ABHD12: variants seen among roughly 807,000 people sequenced by gnomAD.
ABHD12 encodes lysophosphatidylserine lipase ABHD12.
A neutral mutation model predicts 58.3 loss-of-function variants in ABHD12; 43 were observed. That is an observed-to-expected ratio of 0.74 (90% CI 0.58 to 0.95). The LOEUF (loss-of-function observed/expected upper bound fraction) is 0.95, where lower values mean the gene tolerates loss of function less well. Among genes scored for constraint, ABHD12 ranks in the 40% least tolerant of loss-of-function variants. The probability of loss-of-function intolerance (pLI) is 0.00; values close to 1 mark genes in which losing one functional copy is unlikely to be tolerated. For missense variants in ABHD12, 539 were observed against 537.2 expected (o/e 1.00, Z -0.03); for synonymous variants, 219 against 211.2 (o/e 1.04, Z -0.32).
chr20:25,355,157 G>C (rs1032129239), intron 1 of ABHD12, among the ~76,000 whole-genome samples: 1 of 152,064 alleles, frequency 6.6e-6, no homozygotes, highest in African/African-American at 2.4e-5. Context: ...GGATTCACTG[G>C]TGCCACATCA....
intron 1 of ABHD12, among the ~76,000 whole-genome samples, chr20:25,380,771 C>T (rs2090012975): frequency 6.6e-6 from 1 of 152,170 alleles, no homozygotes; most frequent in Non-Finnish European, 1.5e-5. Context: ...GAGTCTGCTG[C>T]AAGGGTCTAG....
chr20:25,356,822 C>G (rs1229351040), intron 1 of ABHD12, among the ~76,000 whole-genome samples: 1 of 152,148 alleles, frequency 6.6e-6, no homozygotes, highest in Non-Finnish European at 1.5e-5. Context: ...AGGCAGGCAT[C>G]TCGAATGAGG....
chr20:25,324,911 G>A (rs2089146804), intron 2 of ABHD12, among the ~76,000 whole-genome samples: 1 of 152,150 alleles, frequency 6.6e-6, no homozygotes, highest in Non-Finnish European at 1.5e-5. Context: ...CTCCAGCTGA[G>A]CCAGGCTGCA....
Position 25,317,076 on chromosome 20 carries a change from C to A in ABHD12, c.545G>T (p.Gly182Val). 6.2e-7 allele frequency: 1 copy of A among 1,611,962 alleles called. No homozygotes were observed. Among genetic ancestry groups the A allele is most frequent in the Non-Finnish European group, 8.5e-7 (1 of 1,178,866 alleles). The change falls in exon 5 of 13, where the codon GGA becomes GTA. Residue 182 changes from glycine (G) to valine (V), a missense_variant and splice_region_variant. Gly to Val is a moderately radical substitution (Grantham distance 109). Transcript: ENST00000339157. Reference protein sequence around the residue: ...LYLHGNAGTRGGDHRVELYKV... With the variant: ...LYLHGNAGTRVGDHRVELYKV... ...GTAAAGCTCCACGCGGTGGTCGCCT[C>A]CTCTGGAGAAGAAAACAGGACATGG...
Position 25,303,437 on chromosome 20 carries a change from G to A in ABHD12, c.1029+113C>T, listed in dbSNP as rs565470532. On this transcript the variant is annotated intron_variant, in intron 11 of 12. Transcript: ENST00000339157. The stretch of plus-strand genomic sequence containing the variant: ...GCCTGACGTGGCTGGTGCGCAGCCC[G>A]TGATGCAGCATGCAGGGGCTGCCTT... 5.4e-5 allele frequency: 83 copies of A among 1,539,420 alleles called. 1 individual carries two copies. The highest frequency in any genetic ancestry group is 1.2e-4 in the East Asian group (5 of 40,896).
At chr20:25,347,712 C>A (rs947839132) in intron 1 of ABHD12, among the ~76,000 whole-genome samples, 1 of 151,784 alleles carries the variant, frequency 6.6e-6, no homozygotes, top group Non-Finnish European at 1.5e-5. Flanking sequence ...GCCTGTGGTC[C>A]CAGCTACTTA....
rs540732330 is a variant in ABHD12, at chr20:25,388,176, C to G, written c.191+2337G>C. Among the ~76,000 whole-genome samples, 3 of 151,910 alleles carry G rather than the reference C, an allele frequency of 2.0e-5. No individual in the cohort carries two copies. In the South Asian group the frequency reaches 6.2e-4, roughly 32 times the overall value. On this transcript the variant is annotated intron_variant, in intron 1 of 12. Coordinates refer to ENST00000339157, the MANE Select transcript of ABHD12 (RefSeq NM_001042472.3). ...AAGAAGGCTCATTAGATTGTCTTCT[C>G]TACTTCCACGTATGTCGACAATAAA... is the stretch of plus-strand genomic sequence containing the variant.
intron 2 of ABHD12, among the ~76,000 whole-genome samples, chr20:25,331,958 T>A (rs2089284100): frequency 6.6e-6 from 1 of 151,726 alleles, no homozygotes; most frequent in Non-Finnish European, 1.5e-5. Context: ...TATAACAATA[T>A]TAACTTTGAA....
At position 25,322,037 on chromosome 20, in the gene ABHD12, C is replaced by T. The variant is rs542763686; in HGVS notation, c.422+1288G>A. ...GGTTTTCTGAGACAGTGGAAAGCGA[C>T]GTTATGGCTACTGAAAAATAAATTC... is the stretch of plus-strand genomic sequence containing the variant. On this transcript the variant is annotated intron_variant, in intron 3 of 12. Transcript: ENST00000339157. Among the ~76,000 whole-genome samples the T allele has an allele frequency of 5.3e-5, 8 of 152,248 alleles. No homozygotes were observed. The South Asian group carries it at 1.7e-3, about 32-fold the overall frequency.
chr20:25,339,043 G>A, intron 2 of ABHD12, 184 bp downstream of exon 2: 5 of 1,390,896 alleles, frequency 3.6e-6, no homozygotes, highest in South Asian at 1.5e-5. Context: ...CTCAATCTGG[G>A]TGGTAGCTCT....
intron 1 of ABHD12, among the ~76,000 whole-genome samples, chr20:25,386,066 A>G (rs902912015): frequency 1.3e-5 from 2 of 151,776 alleles, no homozygotes; most frequent in African/African-American, 4.8e-5. Context: ...GCGCCACTGC[A>G]CTCCAGCCTG....
At chr20:25,336,443 T>C (rs2089370195) in intron 2 of ABHD12, among the ~76,000 whole-genome samples, 1 of 152,192 alleles carries the variant, frequency 6.6e-6, no homozygotes, top group East Asian at 1.9e-4. Context: ...ATTTATAAAT[T>C]TGGTTTCAGA....
intron 1 of ABHD12, among the ~76,000 whole-genome samples, chr20:25,345,877 G>C (rs1229902512): frequency 7.2e-5 from 11 of 152,226 alleles, no homozygotes; most frequent in Non-Finnish European, 7.4e-5. Context: ...AGACAGTTTG[G>C]CAACTCCTCA....
At position 25,308,397 on chromosome 20, in the gene ABHD12, C is replaced by T. The variant is rs140868408; in HGVS notation, c.787+60G>A. 2.7e-4 allele frequency: 422 copies of T among 1,587,458 alleles called. 2 individuals are homozygous for T. In the African/African-American group the frequency reaches 4.4e-3, roughly 17 times the overall value. ...GGACGCTGAGCACTTGCAGCAGGGC[C>T]GGGACTGGGGAGCACCCTGAATGCT... On this transcript the variant is annotated intron_variant, in intron 8 of 12. Coordinates refer to ENST00000339157, the MANE Select transcript of ABHD12 (RefSeq NM_001042472.3).
chr20:25,386,447 G>C (rs1373580472), intron 1 of ABHD12, among the ~76,000 whole-genome samples: 1 of 151,536 alleles, frequency 6.6e-6, no homozygotes, highest in Non-Finnish European at 1.5e-5. Context: ...TTTTTTAGTA[G>C]AGACGGGGTT....
chr20:25,303,836 C>A (rs1394055280), intron 10 of ABHD12, among the ~76,000 whole-genome samples: 2 of 152,216 alleles, frequency 1.3e-5, no homozygotes, highest in Non-Finnish European at 1.5e-5. Flanking sequence ...TCAATCACAG[C>A]TATATAACTG....
chr20:25,325,790 G>A (rs764968436), intron 2 of ABHD12, among the ~76,000 whole-genome samples: 5 of 152,170 alleles, frequency 3.3e-5, no homozygotes, highest in Non-Finnish European at 5.9e-5. Flanking sequence ...AATGCAGCCA[G>A]CCAGGCGTGG....
chr20:25,294,806 A>T, exon 13 of ABHD12: 1 of 737,424 alleles, frequency 1.4e-6, no homozygotes, highest in East Asian at 2.6e-5. Flanking sequence ...GTTTATCTAG[A>T]GTTACAGACT....
At chr20:25,312,668 C>A (rs1047287202) in intron 6 of ABHD12, among the ~76,000 whole-genome samples, 1 of 151,304 alleles carries the variant, frequency 6.6e-6, no homozygotes, top group Non-Finnish European at 1.5e-5. Context: ...AGCCCCTCTG[C>A]CTGGCTGCCC....
Sources: allele counts gnomAD v4.1 joint callset (sites outside exome capture counted in the v4.1 genomes callset), GRCh38; gene constraint gnomAD v4.1.1; transcripts MANE v1.5; gene names NCBI Gene and HGNC (gene_info 2026-07-23, HGNC 2026-07-21).